IL1RAPL2: variants seen among roughly 807,000 people sequenced by gnomAD.
The protein encoded by IL1RAPL2 is X-linked interleukin-1 receptor accessory protein-like 2.
In IL1RAPL2, 3 loss-of-function variants were observed where a neutral mutation model predicts 44.1. The observed-to-expected ratio is 0.07, with a 90% confidence interval of 0.03 to 0.18. The LOEUF is 0.18. IL1RAPL2 is among the 10% of genes least tolerant of loss of function. The probability of loss-of-function intolerance (pLI) is 1.00; values close to 1 mark genes in which losing one functional copy is unlikely to be tolerated. For missense variants in IL1RAPL2, 391 were observed against 496.4 expected, an observed-to-expected ratio of 0.79 and a Z score of 2.02; for synonymous variants, 181 against 178.8, an observed-to-expected ratio of 1.01 and a Z score of -0.10.
At chrX:104,746,549 CAA>C (rs767672690) in intron 2 of IL1RAPL2, among the ~76,000 whole-genome samples, 35 of 111,648 alleles carry the variant, frequency 3.1e-4, no homozygotes, top group African/African-American at 9.1e-4. Context: ...TGACACTGGA[CAA>C]GAGAGAGGCT....
chrX:104,659,025 G>C, intron 2 of IL1RAPL2, 30 bp downstream of exon 2: 3 of 1,076,895 alleles, frequency 2.8e-6, no homozygotes, highest in Non-Finnish European at 3.9e-6. Flanking sequence ...CCACTATTTG[G>C]TCAAAAATGT....
intron 2 of IL1RAPL2, among the ~76,000 whole-genome samples, chrX:105,185,307 G>C (rs1195955334): frequency 8.9e-6 from 1 of 111,741 alleles, no homozygotes; most frequent in African/African-American, 3.2e-5. Flanking sequence ...GCTATTGAAA[G>C]TGAATTGGAA....
chrX:105,109,093 C>T (rs920998780), intron 2 of IL1RAPL2, among the ~76,000 whole-genome samples: 4 of 112,066 alleles, frequency 3.6e-5, no homozygotes, highest in Non-Finnish European at 5.6e-5. Context: ...CACCAGGAAG[C>T]CTTGCCTCCA....
At chrX:105,247,685 A>G (rs1028641404) in intron 4 of IL1RAPL2, among the ~76,000 whole-genome samples, 3 of 105,829 alleles carry the variant, frequency 2.8e-5, no homozygotes, top group Non-Finnish European at 5.8e-5. Flanking sequence ...TCGAACAGTG[A>G]AGAGGTATAT....
At chrX:105,191,506 C>T (rs952187047) in intron 2 of IL1RAPL2, among the ~76,000 whole-genome samples, 5 of 112,101 alleles carry the variant, frequency 4.5e-5, no homozygotes, top group African/African-American at 1.6e-4. Flanking sequence ...TGAGCCACTG[C>T]ACCCGGCCGA....
chrX:105,375,612 A>T (rs2035382025), intron 5 of IL1RAPL2, among the ~76,000 whole-genome samples: 1 of 112,723 alleles, frequency 8.9e-6, no homozygotes, highest in Admixed American at 9.3e-5. Context: ...TCATTACTTG[A>T]AACTAGACTT....
chrX:104,851,544 G>C (rs931642144), intron 2 of IL1RAPL2, among the ~76,000 whole-genome samples: 2 of 111,679 alleles, frequency 1.8e-5, no homozygotes, highest in African/African-American at 6.5e-5. Flanking sequence ...CTGAGAATCT[G>C]AGAGAAGATT....
chrX:104,803,107 AGAAT>A (rs936018412), intron 2 of IL1RAPL2, among the ~76,000 whole-genome samples: 12 of 111,808 alleles, frequency 1.1e-4, no homozygotes, highest in African/African-American at 1.6e-4. Context: ...AAGAAAGGAA[AGAAT>A]AATCGAGGTG....
At position 105,087,728 on chromosome X, in the gene IL1RAPL2, T is replaced by C. The variant is rs762123133; in HGVS notation, c.83-107747T>C. On this transcript the variant is annotated intron_variant, in intron 2 of 10. Coordinates refer to ENST00000372582, the MANE Select transcript of IL1RAPL2 (RefSeq NM_017416.2). Reference sequence around the variant, plus strand: ...TGTTTTCTCATATATAAAATGGGGGTAATAAGGAAGTTCCAGAGACTTTCT... The same window carrying C: ...TGTTTTCTCATATATAAAATGGGGGCAATAAGGAAGTTCCAGAGACTTTCT... 3.6e-5 allele frequency among the ~76,000 whole-genome samples: 4 copies of C among 111,875 alleles called. No homozygotes were observed. The South Asian group carries it at 1.5e-3, about 41-fold the overall frequency.
At chrX:105,409,515 A>G (rs2035676746) in intron 5 of IL1RAPL2, among the ~76,000 whole-genome samples, 1 of 111,278 alleles carries the variant, frequency 9.0e-6, no homozygotes. Flanking sequence ...ATTATCAGCT[A>G]GTGGTAAGTG....
At chrX:104,917,434 C>T (rs1178591716) in intron 2 of IL1RAPL2, among the ~76,000 whole-genome samples, 3 of 111,674 alleles carry the variant, frequency 2.7e-5, no homozygotes, top group Non-Finnish European at 3.8e-5. Context: ...GTCCTGGGTA[C>T]AAATGAAACT....
intron 2 of IL1RAPL2, among the ~76,000 whole-genome samples, chrX:104,786,069 C>A (rs1303356645): frequency 8.9e-6 from 1 of 112,427 alleles, no homozygotes; most frequent in Non-Finnish European, 1.9e-5. Flanking sequence ...ACTTTTAGTT[C>A]TTTTATCCAC....
chrX:105,034,661 G>T (rs1214422689), intron 2 of IL1RAPL2, among the ~76,000 whole-genome samples: 2 of 112,274 alleles, frequency 1.8e-5, no homozygotes, highest in Admixed American at 9.4e-5. Context: ...ACTGGGGGGT[G>T]CCTCCCAGTT....
chrX:105,483,056 A>AG (rs2036243082), intron 5 of IL1RAPL2, among the ~76,000 whole-genome samples: 2 of 107,904 alleles, frequency 1.9e-5, no homozygotes, highest in South Asian at 8.4e-4. Flanking sequence ...AAAAAAAAAA[A>AG]AAAATTCCCC....
intron 2 of IL1RAPL2, among the ~76,000 whole-genome samples, chrX:104,929,232 C>T: frequency 9.0e-6 from 1 of 111,613 alleles, no homozygotes; most frequent in Non-Finnish European, 1.9e-5. Context: ...GTGATTATAA[C>T]AATTTGGACC....
chrX:104,826,302 G>A lies in IL1RAPL2; in HGVS notation c.82+167307G>A, dbSNP rs187622117. On this transcript the variant is annotated intron_variant, in intron 2 of 10. Coordinates refer to ENST00000372582, the MANE Select transcript of IL1RAPL2 (RefSeq NM_017416.2). Reference sequence around the variant, plus strand: ...ACTTTAGCTATGTCCCAAAGATTCTGGTACATTGTGTCTTTGTTCTCATTG... The same window carrying A: ...ACTTTAGCTATGTCCCAAAGATTCTAGTACATTGTGTCTTTGTTCTCATTG... 2.2e-4 allele frequency among the ~76,000 whole-genome samples: 24 copies of A among 111,222 alleles called. No individual in the cohort carries two copies. The South Asian group carries it at 5.3e-3, about 25-fold the overall frequency.
intron 3 of IL1RAPL2, among the ~76,000 whole-genome samples, chrX:105,215,770 A>C (rs1556165147): frequency 9.0e-6 from 1 of 111,399 alleles, no homozygotes; most frequent in Non-Finnish European, 1.9e-5. Flanking sequence ...CCACGGATCA[A>C]GTCAGCTTTA....
At chrX:104,828,622 G>A (rs1215231457) in intron 2 of IL1RAPL2, among the ~76,000 whole-genome samples, 6 of 112,263 alleles carry the variant, frequency 5.3e-5, no homozygotes, top group Non-Finnish European at 1.9e-5. Context: ...CCCACTTGAG[G>A]AGGCAGTCTG....
intron 2 of IL1RAPL2, among the ~76,000 whole-genome samples, chrX:105,064,749 G>C (rs1216902293): frequency 2.7e-5 from 3 of 111,773 alleles, no homozygotes; most frequent in African/African-American, 9.8e-5. Flanking sequence ...CTTCATCCTT[G>C]TCTTCATGTT....
Sources: gnomAD v4.1 joint callset for allele counts (sites outside exome capture counted in the v4.1 genomes callset) on GRCh38, gnomAD v4.1.1 for gene constraint, MANE v1.5 for transcripts, NCBI Gene and HGNC (gene_info 2026-07-23, HGNC 2026-07-21) for gene names.